The following PPFIA4 variants were observed in gnomAD, a reference collection of about 807,000 sequenced individuals.
PPFIA4 encodes the protein liprin-alpha-4.
PPFIA4 carries 98 observed loss-of-function variants against 145.7 expected under a neutral mutation model. That is an observed-to-expected ratio of 0.67 (90% CI 0.57 to 0.80). The LOEUF is 0.80. Ranked by LOEUF, PPFIA4 falls within the 30% of genes least tolerant of loss-of-function variation. The pLI, the probability that PPFIA4 is intolerant of heterozygous loss-of-function variation, is 0.00. For missense variants in PPFIA4, 1,457 were observed against 1,632.7 expected (o/e 0.89, Z 1.85); for synonymous variants, 628 against 649.6 (o/e 0.97, Z 0.51).
chr1:203,073,910 C>T (rs1314886589), intron 28 of PPFIA4, among the ~76,000 whole-genome samples: 1 of 152,110 alleles, frequency 6.6e-6, no homozygotes, highest in Non-Finnish European at 1.5e-5. Flanking sequence ...AGGAATGGGA[C>T]TCCTGCATAA....
chr1:203,056,223 C>T, intron 17 of PPFIA4, 68 bp downstream of exon 17: 7 of 1,609,382 alleles, frequency 4.3e-6, no homozygotes, highest in Non-Finnish European at 6.0e-6. Context: ...TTTCAGCTTC[C>T]TCCCCCAGGG....
chr1:203,045,921 A>G lies in PPFIA4; in HGVS notation c.939A>G (p.Thr313=). 6.2e-7 allele frequency: 1 copy of G among 1,612,826 alleles called. No individual in the cohort carries two copies. Among genetic ancestry groups the G allele is most frequent in the Non-Finnish European group, 8.5e-7 (1 of 1,179,858 alleles). ...KRYLAAQREA[T]SIHDLNDKLE... ...ACCTGGCTGCTCAGCGTGAGGCAAC[A>G]TCCATCCATGACCTCAATGACAAGC... The change falls in exon 8 of 30, where the codon ACA becomes ACG. Residue 313 remains threonine, a synonymous_variant. Coordinates refer to ENST00000295706, the MANE Select transcript of PPFIA4 (RefSeq NM_001304331.2).
Position 203,075,566 on chromosome 1 carries a change from C to G in PPFIA4, c.3394-11C>G. 1 of 1,403,044 alleles carries G rather than the reference C, an allele frequency of 7.1e-7. No individual in the cohort carries two copies. The highest frequency in any genetic ancestry group is 9.3e-7 in the Non-Finnish European group (1 of 1,071,430). 86.9% of individuals were successfully genotyped at this position (1,403,044 alleles called of 1,614,324 possible). ...AGGGCCCTCGGGCCTCTGGTGTCCC[C>G]CATGGTGCAGGGGGATGACAAGGTG... is the stretch of plus-strand genomic sequence containing the variant. On this transcript the variant is annotated splice_polypyrimidine_tract_variant and intron_variant, in intron 28 of 29. Coordinates refer to ENST00000295706, the MANE Select transcript of PPFIA4 (RefSeq NM_001304331.2). This position sits in a 1 kb window ranked among gnomAD's most constrained non-coding sequence, Gnocchi z 4.1.
intron 1 of PPFIA4, chr1:203,035,686 T>C (rs745501081): frequency 1.5e-5 from 7 of 456,476 alleles, no homozygotes; most frequent in Non-Finnish European, 3.1e-5. Context: ...AGGCTTCTGT[T>C]AGGCTGAGAT....
rs1230102278 is a variant in PPFIA4, at chr1:203,061,693, C to T, written c.2874+15C>T. On this transcript the variant is annotated intron_variant, in intron 24 of 29. Transcript: ENST00000295706. ...GCTGGGCTCAGGTAAGACTCCCTAC[C>T]CTGTCTAGAACCAGCTCCCAAAACT... 2 of 1,562,662 alleles carry T rather than the reference C, an allele frequency of 1.3e-6. No individual in the cohort carries two copies. Among genetic ancestry groups the T allele is most frequent in the African/African-American group, 1.4e-5 (1 of 73,544 alleles).
At chr1:203,061,747 C>T in intron 24 of PPFIA4, 69 bp downstream of exon 24, 1 of 1,471,258 alleles carries the variant, frequency 6.8e-7, no homozygotes, top group Non-Finnish European at 9.2e-7. Flanking sequence ...GGTAGGTTCT[C>T]TCCGCAGCAG....
chr1:203,054,249 A>C (rs1049842284), intron 15 of PPFIA4: 2 of 626,972 alleles, frequency 3.2e-6, no homozygotes, highest in African/African-American at 3.6e-5. Context: ...TTAACCACTA[A>C]GAGTGTAGCT....
At chr1:203,053,636 GC>G (rs1252021300) in intron 14 of PPFIA4, 116 bp from the exon 15 acceptor site, 60 of 803,060 alleles carry the variant, frequency 7.5e-5, no homozygotes, top group Non-Finnish European at 1.1e-4. Flanking sequence ...CTGAGATTCT[GC>G]ATTTCCAGCA....
Position 203,053,861 on chromosome 1 carries a change from G to A in PPFIA4, c.1729G>A (p.Val577Met). ...DVDEDEPGGL[V>M]GSADVVSPSG... ...GGATGAGGATGAGCCAGGGGGTCTGGTGGGCTCTGCGGATGTTGTCTCCCC... is the reference window on the plus strand; with the variant it reads ...GGATGAGGATGAGCCAGGGGGTCTGATGGGCTCTGCGGATGTTGTCTCCCC... The change falls in exon 15 of 30, where the codon GTG becomes ATG. Residue 577 changes from valine (V) to methionine (M), a missense_variant. Physicochemically the swap from Val to Met is conservative, Grantham distance 21. Transcript: ENST00000295706. 6.4e-7 allele frequency: 1 copy of A among 1,557,148 alleles called. No individual in the cohort carries two copies. The highest frequency in any genetic ancestry group is 8.7e-7 in the Non-Finnish European group (1 of 1,149,932).
rs2102673151 is a variant in PPFIA4 at position 203,060,896 on chromosome 1, C to T, written c.2785-74C>T. 1.4e-6 allele frequency: 2 copies of T among 1,411,926 alleles called. No homozygotes were observed. Among genetic ancestry groups the T allele is most frequent in the Middle Eastern group, 2.1e-4 (1 of 4,706 alleles). The allele number at this position is 1,411,926 out of a possible 1,614,324, so 87.5% of individuals were successfully genotyped here. The stretch of plus-strand genomic sequence containing the variant: ...TCAGGGAGGGAGCTTTGTCCTTGTC[C>T]TTTGGGCTCCCAGCCTGATGGGGAT... On this transcript the variant is annotated intron_variant, in intron 22 of 29. Coordinates refer to ENST00000295706, the MANE Select transcript of PPFIA4 (RefSeq NM_001304331.2). This position sits in a 1 kb window ranked among gnomAD's most constrained non-coding sequence, Gnocchi z 4.8.
At chr1:203,034,652 T>C in intron 1 of PPFIA4, 1 of 456,608 alleles carries the variant, frequency 2.2e-6, no homozygotes, top group Non-Finnish European at 4.4e-6. Flanking sequence ...GGCCTTCCAG[T>C]GGGGCCTTTC....
chr1:203,076,173 C>T, intron 29 of PPFIA4, 168 bp from the exon 30 acceptor site: 1 of 747,872 alleles, frequency 1.3e-6, no homozygotes, highest in Non-Finnish European at 2.2e-6. Flanking sequence ...CCGCTCCAGT[C>T]CCGCTTACCA....
Position 203,055,738 on chromosome 1 carries a change from T to C in PPFIA4, c.2070+66T>C. ...CTGCACCGGGGGAGGTTTTAAGGGA[T>C]GGTAGGACTCACGTGCTCTCAGCTG... On this transcript the variant is annotated intron_variant, in intron 16 of 29. Transcript: ENST00000295706. This position sits in a 1 kb window ranked among gnomAD's most constrained non-coding sequence, Gnocchi z 4.8. 6.3e-7 allele frequency: 1 copy of C among 1,598,026 alleles called. No individual in the cohort carries two copies. Among genetic ancestry groups the C allele is most frequent in the East Asian group, 2.2e-5 (1 of 44,556 alleles).
chr1:203,061,541 C>T, intron 23 of PPFIA4, 111 bp from the exon 24 acceptor site: 1 of 1,129,790 alleles, frequency 8.9e-7, no homozygotes, highest in Non-Finnish European at 1.2e-6. Flanking sequence ...CCCAGTCACC[C>T]AGCCAGATAC....
At chr1:203,059,728 A>G (rs1289763189) in intron 20 of PPFIA4, 42 bp from the exon 21 acceptor site, 2 of 1,545,126 alleles carry the variant, frequency 1.3e-6, no homozygotes, top group Non-Finnish European at 1.8e-6. Context: ...CAGTTAAGGG[A>G]GAAGGAAGAA....
At position 203,048,308 on chromosome 1, in the gene PPFIA4, C is replaced by G. The variant is rs537498674; in HGVS notation, c.1222C>G (p.Arg408Gly). The change falls in exon 10 of 30, where the codon CGG becomes GGG. Residue 408 changes from arginine (R) to glycine (G), a missense_variant and splice_region_variant. By Grantham distance (125) the Arg-to-Gly change is moderately radical (BLOSUM62 -2). Transcript: ENST00000295706. This position sits in a 1 kb window ranked among gnomAD's most constrained non-coding sequence, Gnocchi z 5.8. ...QLEEKNQELARVRQREKMNED... is the reference protein window; with the variant it reads ...QLEEKNQELAGVRQREKMNED... ...GGAGGAGAAGAACCAGGAGCTGGCACGGGTGAGGGCACCAGGCCGGGCCCT... is the reference window on the plus strand; with the variant it reads ...GGAGGAGAAGAACCAGGAGCTGGCAGGGGTGAGGGCACCAGGCCGGGCCCT... The G allele has an allele frequency of 1.2e-6, 2 of 1,612,158 alleles. No individual in the cohort carries two copies. The highest frequency in any genetic ancestry group is 1.7e-5 in the Admixed American group (1 of 59,928).
chr1:203,062,136 CAAAT>C (rs1486188804), intron 24 of PPFIA4, among the ~76,000 whole-genome samples: 5 of 151,620 alleles, frequency 3.3e-5, no homozygotes, highest in Admixed American at 6.6e-5. Context: ...AGGCAGTAAA[CAAAT>C]AAAGGAATAA....
At chr1:203,061,284 C>T (rs1026990363) in intron 23 of PPFIA4, 10 of 571,360 alleles carry the variant, frequency 1.8e-5, no homozygotes, top group East Asian at 3.0e-5. Flanking sequence ...TGGTGTGCTA[C>T]AGCGGAGGAG....
chr1:203,048,398 G>A lies in PPFIA4; in HGVS notation c.1224+88G>A. On this transcript the variant is annotated intron_variant, in intron 10 of 29. Transcript: ENST00000295706. This position sits in a 1 kb window ranked among gnomAD's most constrained non-coding sequence, Gnocchi z 5.8. Reference sequence around the variant, plus strand: ...TCTGTGGAAGGGGCACGGAGGAAGGGCCTGGCCAGGGACACAGCCACAGAG... The same window carrying A: ...TCTGTGGAAGGGGCACGGAGGAAGGACCTGGCCAGGGACACAGCCACAGAG... 6.6e-7 allele frequency: 1 copy of A among 1,510,206 alleles called. No individual in the cohort carries two copies. Among genetic ancestry groups the A allele is most frequent in the Non-Finnish European group, 9.0e-7 (1 of 1,107,078 alleles). 93.6% of individuals were successfully genotyped at this position (1,510,206 alleles called of 1,614,324 possible).
Sources: gnomAD v4.1 joint callset for allele counts (sites outside exome capture counted in the v4.1 genomes callset) on GRCh38, gnomAD v4.1.1 for gene constraint, Gnocchi (gnomAD v3.1) non-coding constraint, MANE v1.5 for transcripts, NCBI Gene and HGNC (gene_info 2026-07-23, HGNC 2026-07-21) for gene names.